UGT2A2: variants seen among roughly 807,000 people sequenced by gnomAD.
The protein encoded by UGT2A2 is UDP-glucuronosyltransferase 2A2.
Under a neutral mutation model 50.7 loss-of-function variants are expected in UGT2A2, and 60 were observed. The observed-to-expected ratio is 1.18, with a 90% confidence interval of 0.96 to 1.47. UGT2A2 has a LOEUF of 1.47. Ranked by LOEUF, UGT2A2 falls within the 40% of genes most tolerant of loss-of-function variation. The probability of loss-of-function intolerance (pLI) is 0.00; values close to 1 mark genes in which losing one functional copy is unlikely to be tolerated. For synonymous variants in UGT2A2, 242 were observed against 214.6 expected, an observed-to-expected ratio of 1.13 and a Z score of -1.11; for missense variants, 762 against 634.0, an observed-to-expected ratio of 1.20 and a Z score of -2.17.
intron 1 of UGT2A2, among the ~76,000 whole-genome samples, chr4:69,600,325 G>A (rs1243902802): frequency 2.0e-5 from 3 of 152,206 alleles, no homozygotes; most frequent in African/African-American, 7.2e-5. Context: ...CAGGGACAGA[G>A]AAAAGTCACT....
At chr4:69,615,902 T>A (rs773001000) in intron 1 of UGT2A2, among the ~76,000 whole-genome samples, 5 of 152,022 alleles carry the variant, frequency 3.3e-5, no homozygotes, top group Non-Finnish European at 7.4e-5. Flanking sequence ...ACAATCACAC[T>A]GCTGGGTATA....
At chr4:69,596,458 G>T in intron 2 of UGT2A2, 77 bp from the exon 3 acceptor site, 2 of 1,387,516 alleles carry the variant, frequency 1.4e-6, no homozygotes, top group Non-Finnish European at 1.9e-6. Context: ...CATTTAAGTA[G>T]GTAAAATTAA....
intron 1 of UGT2A2, among the ~76,000 whole-genome samples, chr4:69,614,865 A>G (rs1227403898): frequency 1.3e-5 from 2 of 152,064 alleles, no homozygotes; most frequent in African/African-American, 4.8e-5. Flanking sequence ...ATTGACCCAC[A>G]GTTCCACAGG....
chr4:69,638,548 T>C (rs1721849853), intron 1 of UGT2A2, among the ~76,000 whole-genome samples: 1 of 152,158 alleles, frequency 6.6e-6, no homozygotes, highest in African/African-American at 2.4e-5. Flanking sequence ...GCATGGTAAA[T>C]CATGTATCAC....
intron 1 of UGT2A2, among the ~76,000 whole-genome samples, chr4:69,623,336 A>G (rs1178268881): frequency 6.6e-6 from 1 of 151,804 alleles, no homozygotes; most frequent in Admixed American, 6.6e-5. Flanking sequence ...CCCAAGAAAC[A>G]GACGCTGAGA....
chr4:69,635,358 C>A (rs994966222), intron 1 of UGT2A2, among the ~76,000 whole-genome samples: 7 of 152,122 alleles, frequency 4.6e-5, no homozygotes, highest in Non-Finnish European at 1.0e-4. Context: ...ACTGGAAACC[C>A]AAAAGACACA....
At chr4:69,610,647 G>A (rs1323919428) in intron 1 of UGT2A2, among the ~76,000 whole-genome samples, 1 of 152,096 alleles carries the variant, frequency 6.6e-6, no homozygotes, top group African/African-American at 2.4e-5. Flanking sequence ...GAGTTCAAGG[G>A]TGGGTCTCTA....
intron 5 of UGT2A2, among the ~76,000 whole-genome samples, chr4:69,592,259 T>C (rs1718635489): frequency 6.6e-6 from 1 of 152,168 alleles, no homozygotes; most frequent in Non-Finnish European, 1.5e-5. Flanking sequence ...TTCTTCAAGC[T>C]TGGACTCTAC....
chr4:69,589,397 A>T lies in UGT2A2; in HGVS notation c.1586T>A (p.Ile529Lys), dbSNP rs143026062. 4 of 1,612,920 alleles carry T rather than the reference A, an allele frequency of 2.5e-6. No homozygotes were observed. Among genetic ancestry groups the T allele is most frequent in the Admixed American group, 1.7e-5 (1 of 59,806 alleles). ...CTATTCTCTTTTTTTCTTCTTTCCTATCTTACCAAATTTTTGACAGGAAAA... is the reference window on the plus strand; with the variant it reads ...CTATTCTCTTTTTTTCTTCTTTCCTTTCTTACCAAATTTTTGACAGGAAAA... ...CLFSCQKFGKIGKKKKRE is the reference protein window; with the variant it reads ...CLFSCQKFGKKGKKKKRE Residue 529 changes from isoleucine (I) to lysine (K), a missense_variant, in exon 6 of 6, where the codon ATA becomes AAA. By Grantham distance (102) the Ile-to-Lys change is moderately radical. Coordinates refer to ENST00000604629, the MANE Select transcript of UGT2A2 (RefSeq NM_001105677.2).
At chr4:69,596,221 T>C in intron 3 of UGT2A2, 29 bp downstream of exon 3, 1 of 1,477,364 alleles carries the variant, frequency 6.8e-7, no homozygotes, top group Non-Finnish European at 9.0e-7. Flanking sequence ...AGTAAAAAGC[T>C]GTGTACCAGG....
intron 1 of UGT2A2, among the ~76,000 whole-genome samples, chr4:69,609,869 T>C (rs1170951655): frequency 1.3e-5 from 2 of 152,168 alleles, no homozygotes; most frequent in East Asian, 3.9e-4. Context: ...AAAACTGTCA[T>C]AGAACTTGGG....
intron 1 of UGT2A2, among the ~76,000 whole-genome samples, chr4:69,610,710 C>T (rs1352086851): frequency 6.6e-6 from 1 of 152,062 alleles, no homozygotes; most frequent in Non-Finnish European, 1.5e-5. Flanking sequence ...CAGGAATGCC[C>T]ATATGCAGAG....
chr4:69,597,848 T>G (rs765196901), intron 2 of UGT2A2, among the ~76,000 whole-genome samples: 46 of 152,174 alleles, frequency 3.0e-4, no homozygotes, highest in Non-Finnish European at 1.3e-4. Context: ...CGTAATTATT[T>G]CATCAGCAAT....
chr4:69,637,572 TG>T (rs1721782308), intron 1 of UGT2A2, among the ~76,000 whole-genome samples: 1 of 152,158 alleles, frequency 6.6e-6, no homozygotes, highest in African/African-American at 2.4e-5. Flanking sequence ...CTCAGGTCTT[TG>T]GCCTGATGTC....
intron 1 of UGT2A2, chr4:69,599,822 T>C (rs1019762922): frequency 6.4e-6 from 1 of 156,868 alleles, no homozygotes; most frequent in Non-Finnish European, 1.4e-5. Context: ...AAGTAATGTG[T>C]AAGTGTAATT....
chr4:69,591,440 G>A (rs1718594055), intron 5 of UGT2A2, among the ~76,000 whole-genome samples: 1 of 152,152 alleles, frequency 6.6e-6, no homozygotes, highest in South Asian at 2.1e-4. Context: ...TCAAAGGGAA[G>A]GAATGCCTGG....
At chr4:69,595,084 T>C in intron 4 of UGT2A2, 78 bp downstream of exon 4, 1 of 1,519,586 alleles carries the variant, frequency 6.6e-7, no homozygotes, top group Non-Finnish European at 9.1e-7. Flanking sequence ...AAAAATGTAT[T>C]GAATTTATTT....
At chr4:69,609,398 C>T (rs1262264902) in intron 1 of UGT2A2, among the ~76,000 whole-genome samples, 1 of 151,796 alleles carries the variant, frequency 6.6e-6, no homozygotes, top group Non-Finnish European at 1.5e-5. Flanking sequence ...TGATGTCTCT[C>T]TCTGTTTCCC....
At chr4:69,634,496 A>G (rs185809274) in intron 1 of UGT2A2, among the ~76,000 whole-genome samples, 16 of 152,210 alleles carry the variant, frequency 1.1e-4, no homozygotes, top group African/African-American at 3.9e-4. Flanking sequence ...CAAATAATAC[A>G]TTATTGTGAT....
Sources: allele counts gnomAD v4.1 joint callset (sites outside exome capture counted in the v4.1 genomes callset), GRCh38; gene constraint gnomAD v4.1.1; transcripts MANE v1.5; gene names NCBI Gene and HGNC (gene_info 2026-07-23, HGNC 2026-07-21).